INO80: variants seen among roughly 807,000 people sequenced by gnomAD.
The protein encoded by INO80 is INO80 complex ATPase subunit.
A neutral mutation model predicts 203.4 loss-of-function variants in INO80; 20 were observed. The observed-to-expected ratio is 0.10, with a 90% CI of 0.07 to 0.14. The LOEUF (loss-of-function observed/expected upper bound fraction) is 0.14, where lower values mean the gene tolerates loss of function less well. Ranked by LOEUF, INO80 falls within the 10% of genes least tolerant of loss-of-function variation. INO80 has a pLI of 1.00. For synonymous variants in INO80, 726 were observed against 685.2 expected (o/e 1.06, Z -0.93); for missense variants, 1,419 against 1,914.4 (o/e 0.74, Z 4.83).
chr15:40,981,073 C>T lies in INO80; in HGVS notation c.4454-633G>A, dbSNP rs920099577. On this transcript the variant is annotated intron_variant, in intron 35 of 35. Coordinates refer to ENST00000648947, the MANE Select transcript of INO80 (RefSeq NM_017553.3). ...TTCCTACATAAGCCAAATCCACTTACATGTGATAACACATTGATTCTTCAA... is the reference window on the plus strand; with the variant it reads ...TTCCTACATAAGCCAAATCCACTTATATGTGATAACACATTGATTCTTCAA... Among the ~76,000 whole-genome samples, 4 of 152,218 alleles carry T rather than the reference C, an allele frequency of 2.6e-5. No homozygotes were observed. In the East Asian group the frequency reaches 5.8e-4, roughly 22 times the overall value.
At chr15:41,017,030 T>C (rs1458232579) in intron 26 of INO80, 1 of 151,954 alleles carries the variant, frequency 6.6e-6, no homozygotes. Context: ...CTTGGAGGAC[T>C]GCAAATAGGT....
chr15:41,071,996 C>A lies in INO80; in HGVS notation c.1458G>T (p.Lys486Asn), dbSNP rs899660625. ...AACTCTCCCCAAACCCAGTGCCAGA[C>A]TTGTTTGCTGCCCGTAGGGCAGCTG... ...SRAAALRAANKSGTGFGESYS... is the reference protein window; with the variant it reads ...SRAAALRAANNSGTGFGESYS... Residue 486 changes from lysine to asparagine, a missense_variant, in exon 12 of 36, where the codon AAG (lysine) becomes AAT (asparagine). By Grantham distance (94) the Lys-to-Asn change is moderately conservative. Around this residue, in one of 9 missense-constraint regions of INO80, gnomAD observed 116 missense variants for 119.5 expected, o/e 0.97. Coordinates refer to ENST00000648947, the MANE Select transcript of INO80 (RefSeq NM_017553.3). The A allele has an allele frequency of 6.2e-6, 10 of 1,612,002 alleles. No individual in the cohort carries two copies. The highest frequency in any genetic ancestry group is 7.6e-6 in the Non-Finnish European group (9 of 1,179,598).
chr15:41,063,851 G>A (rs1459129018), intron 14 of INO80, among the ~76,000 whole-genome samples: 1 of 151,910 alleles, frequency 6.6e-6, no homozygotes, highest in Non-Finnish European at 1.5e-5. Flanking sequence ...AAGCAAAGAC[G>A]CCCTCACATT....
Position 41,027,654 on chromosome 15 carries a change from G to A in INO80, c.2990C>T (p.Ser997Leu), listed in dbSNP as rs763793662. The A allele has an allele frequency of 1.1e-5, 18 of 1,613,772 alleles. No homozygotes were observed. The Middle Eastern group carries it at 6.6e-4, about 59-fold the overall frequency. Residue 997 changes from serine (S) to leucine (L), a missense_variant, in exon 25 of 36, where the codon TCG becomes TTG. By Grantham distance (145) the Ser-to-Leu change is moderately radical. This residue lies in a region of INO80 where 302 missense variants were observed against 345.4 expected (regional missense o/e 0.87). Coordinates refer to ENST00000648947, the MANE Select transcript of INO80 (RefSeq NM_017553.3). ...VVHQRRSATS[S>L]LRRCLLTELP... Reference sequence around the variant, plus strand: ...CTCAGTGAGCAGGCAGCGACGCAGCGAGGAGGTAGCTGATCTCCGCTGATG... The same window carrying A: ...CTCAGTGAGCAGGCAGCGACGCAGCAAGGAGGTAGCTGATCTCCGCTGATG...
chr15:41,080,893 C>G (rs2045475542), intron 8 of INO80, 127 bp downstream of exon 8: 2 of 683,196 alleles, frequency 2.9e-6, no homozygotes, highest in South Asian at 3.6e-5. Context: ...CATTCAGAAA[C>G]TCTCTTACGA....
In INO80 at chr15:41,059,931, A is replaced by G. The variant is rs1396961309; in HGVS notation, c.1783-5T>C. On this transcript the variant is annotated splice_region_variant and splice_polypyrimidine_tract_variant and intron_variant, in intron 14 of 35. Transcript: ENST00000648947. ...ATTTCCCCAATATGGTAGCACCTAG[A>G]AAAAGGGCCAATATATACATTACTT... is the stretch of plus-strand genomic sequence containing the variant. The G allele has an allele frequency of 3.1e-6, 5 of 1,587,978 alleles. No individual in the cohort carries two copies. Among genetic ancestry groups the G allele is most frequent in the Non-Finnish European group, 4.3e-6 (5 of 1,158,346 alleles).
intron 19 of INO80, among the ~76,000 whole-genome samples, chr15:41,051,414 T>A (rs1481687728): frequency 6.6e-6 from 1 of 151,618 alleles, no homozygotes; most frequent in African/African-American, 2.4e-5. Context: ...AAAACTATAG[T>A]AAGATAGGAA....
intron 14 of INO80, among the ~76,000 whole-genome samples, chr15:41,068,158 G>T (rs1011458723): frequency 6.6e-6 from 1 of 152,028 alleles, no homozygotes; most frequent in Admixed American, 6.6e-5. Flanking sequence ...TTGGTGGCTC[G>T]TGCCTGTAAT....
chr15:41,034,540 A>G (rs1158919354), intron 24 of INO80, among the ~76,000 whole-genome samples: 2 of 152,210 alleles, frequency 1.3e-5, no homozygotes, highest in African/African-American at 2.4e-5. Context: ...TACAGGAACA[A>G]TAACTCTCTT....
At chr15:40,987,443 G>A (rs1424203983) in intron 30 of INO80, among the ~76,000 whole-genome samples, 1 of 151,984 alleles carries the variant, frequency 6.6e-6, no homozygotes, top group Non-Finnish European at 1.5e-5. Flanking sequence ...GAATCAGGAT[G>A]AAAAAAACAA....
chr15:41,086,397 TC>T (rs1258739514), intron 6 of INO80, among the ~76,000 whole-genome samples: 1 of 152,142 alleles, frequency 6.6e-6, no homozygotes, highest in African/African-American at 2.4e-5. Context: ...ACGCCGGTAA[TC>T]CCAGCACTTT....
At chr15:41,108,616 AAAAG>A (rs2140706713) in intron 1 of INO80, among the ~76,000 whole-genome samples, 1 of 151,998 alleles carries the variant, frequency 6.6e-6, no homozygotes, top group Non-Finnish European at 1.5e-5. Flanking sequence ...AAAAAGGAAA[AAAAG>A]AAAAGCCACA....
At chr15:41,088,646 G>C (rs1021167713) in intron 5 of INO80, among the ~76,000 whole-genome samples, 3 of 151,984 alleles carry the variant, frequency 2.0e-5, no homozygotes, top group Admixed American at 6.6e-5. Context: ...TATTAATTTT[G>C]TTTCACATAT....
intron 19 of INO80, 77 bp downstream of exon 19, chr15:41,053,852 T>C (rs1364591069): frequency 9.3e-7 from 1 of 1,080,228 alleles, no homozygotes; most frequent in Non-Finnish European, 1.4e-6. Context: ...ACTAAACATA[T>C]ATCAATAAAT....
intron 34 of INO80, among the ~76,000 whole-genome samples, chr15:40,983,486 C>T (rs1245754741): frequency 6.6e-6 from 1 of 152,136 alleles, no homozygotes; most frequent in East Asian, 1.9e-4. Context: ...CTAGACCCCA[C>T]ACAGCAAAGT....
In INO80 at chr15:41,074,303, ATG is replaced by A. The variant is rs1210608338; in HGVS notation, c.1327+65_1327+66del. 9.4e-5 allele frequency: 111 copies of A among 1,180,988 alleles called. No individual in the cohort carries two copies. In the East Asian group the frequency reaches 2.8e-3, roughly 30 times the overall value. The allele number at this position is 1,180,988 out of a possible 1,614,324, so 73.2% of individuals were successfully genotyped here. A position where few individuals can be genotyped will look rare whatever the true frequency, so the allele number is the denominator to read the frequency against. On this transcript the variant is annotated intron_variant, in intron 10 of 35. Coordinates refer to ENST00000648947, the MANE Select transcript of INO80 (RefSeq NM_017553.3). ...ATCAATAAAAAATTCGCAAAAATTAATGTATATAACCTTTAGATATAAAAAAT... is the reference window on the plus strand; with the variant it reads ...ATCAATAAAAAATTCGCAAAAATTAATATATAACCTTTAGATATAAAAAAT...
intron 26 of INO80, 98 bp downstream of exon 26, chr15:41,020,802 A>G (rs2044282027): frequency 2.8e-6 from 2 of 723,674 alleles, no homozygotes; most frequent in Non-Finnish European, 4.5e-6. Context: ...AACCTCAAGA[A>G]CAGTAAATTC....
chr15:41,041,934 A>C (rs1347866487), intron 24 of INO80, among the ~76,000 whole-genome samples: 1 of 149,820 alleles, frequency 6.7e-6, no homozygotes, highest in African/African-American at 2.5e-5. Context: ...TCCTGGGTTC[A>C]AGGGATTCTC....
intron 27 of INO80, among the ~76,000 whole-genome samples, chr15:41,007,947 G>C (rs758845935): frequency 6.6e-6 from 1 of 152,138 alleles, no homozygotes; most frequent in Non-Finnish European, 1.5e-5. Flanking sequence ...GTCGAGGTGG[G>C]TGGATCACTT....
Sources: allele counts gnomAD v4.1 joint callset (sites outside exome capture counted in the v4.1 genomes callset), GRCh38; gene constraint gnomAD v4.1.1; regional missense constraint gnomAD v4.1.1; transcripts MANE v1.5; gene names NCBI Gene and HGNC (gene_info 2026-07-23, HGNC 2026-07-21).